The following LOC128462377 variants were observed in gnomAD, a reference collection of about 807,000 sequenced individuals.
chr16:89,382,500 T>A, the LOC128462377 span, among the ~76,000 whole-genome samples: 2 of 151,668 alleles, frequency 1.3e-5, no homozygotes, highest in African/African-American at 2.4e-5. Context: ...TAATTTTTTG[T>A]ATTTTTAATA....
the LOC128462377 span, among the ~76,000 whole-genome samples, chr16:89,366,129 C>CAAA: frequency 7.6e-3 from 461 of 60,288 alleles, 16 homozygotes; most frequent in African/African-American, 0.023. Context: ...GACTCCATCT[C>CAAA]AAAAAAAAAA....
At chr16:89,384,698 A>G in the LOC128462377 span, among the ~76,000 whole-genome samples, 10 of 151,928 alleles carry the variant, frequency 6.6e-5, no homozygotes, top group Admixed American at 5.9e-4. Context: ...ATAGAACTCA[A>G]TTCTTCCCTC....
chr16:89,381,037 G>T, the LOC128462377 span, among the ~76,000 whole-genome samples: 1 of 152,210 alleles, frequency 6.6e-6, no homozygotes, highest in African/African-American at 2.4e-5. Context: ...GGGATGAGAA[G>T]GGCGGCTGGG....
At chr16:89,402,065 G>A in the LOC128462377 span, among the ~76,000 whole-genome samples, 2 of 151,518 alleles carry the variant, frequency 1.3e-5, no homozygotes, top group South Asian at 2.1e-4. Context: ...CGGCAGCCCC[G>A]AAAGACCCCC....
At chr16:89,405,191 C>T in the LOC128462377 span, among the ~76,000 whole-genome samples, 1 of 152,072 alleles carries the variant, frequency 6.6e-6, no homozygotes, top group African/African-American at 2.4e-5. Flanking sequence ...AAGACTCCAT[C>T]TCAAAAAAAT....
At chr16:89,320,057 A>T in the LOC128462377 span, 1 of 152,340 alleles carries the variant, frequency 6.6e-6, no homozygotes, top group Non-Finnish European at 1.5e-5. Flanking sequence ...CAGGGGCTGC[A>T]CGGCACTCAG....
At chr16:89,407,482 G>C in the LOC128462377 span, among the ~76,000 whole-genome samples, 220 of 152,156 alleles carry the variant, frequency 1.4e-3, no homozygotes, top group Non-Finnish European at 2.9e-3. Flanking sequence ...AACCACGTTC[G>C]CCTCGTCAGG....
chr16:89,321,895 G>A, the LOC128462377 span, among the ~76,000 whole-genome samples: 2 of 152,092 alleles, frequency 1.3e-5, no homozygotes, highest in Non-Finnish European at 2.9e-5. Flanking sequence ...CCTCCTCAAC[G>A]TGAAAACCCG....
the LOC128462377 span, among the ~76,000 whole-genome samples, chr16:89,357,791 C>G: frequency 6.6e-6 from 1 of 152,222 alleles, no homozygotes; most frequent in Non-Finnish European, 1.5e-5. Flanking sequence ...GGAGGAACCA[C>G]TGCTCATCGG....
At chr16:89,371,153 G>T in the LOC128462377 span, among the ~76,000 whole-genome samples, 1 of 152,164 alleles carries the variant, frequency 6.6e-6, no homozygotes, top group Non-Finnish European at 1.5e-5. Flanking sequence ...CAGGGTGCAC[G>T]TAAGTGGCTG....
At chr16:89,337,642 G>A in the LOC128462377 span, among the ~76,000 whole-genome samples, 4 of 151,708 alleles carry the variant, frequency 2.6e-5, no homozygotes, top group African/African-American at 4.8e-5. Context: ...GGGTTTCACC[G>A]TGTTAGCCAG....
At chr16:89,392,105 C>T in the LOC128462377 span, among the ~76,000 whole-genome samples, 2 of 152,156 alleles carry the variant, frequency 1.3e-5, no homozygotes, top group African/African-American at 4.8e-5. Context: ...AATGTGAGGT[C>T]CCGTTCCAGC....
At chr16:89,395,513 C>T in the LOC128462377 span, among the ~76,000 whole-genome samples, 3,747 of 152,322 alleles carry the variant, frequency 0.025, 161 homozygotes, top group African/African-American at 0.086. Flanking sequence ...CAGACCCACC[C>T]GAACGGGGAA....
chr16:89,317,142 C>G, the LOC128462377 span: 1 of 1,072,666 alleles, frequency 9.3e-7, no homozygotes, highest in East Asian at 2.6e-5. Flanking sequence ...TCCACTCTCA[C>G]ACCGCACTCA....
the LOC128462377 span, among the ~76,000 whole-genome samples, chr16:89,348,212 A>G: frequency 6.6e-6 from 1 of 152,200 alleles, no homozygotes; most frequent in African/African-American, 2.4e-5. Flanking sequence ...GATTACAGGC[A>G]TGAGCCACCA....
At chr16:89,338,500 C>T in the LOC128462377 span, among the ~76,000 whole-genome samples, 15 of 150,434 alleles carry the variant, frequency 1.0e-4, no homozygotes, top group East Asian at 1.9e-4. Flanking sequence ...GAGGCCGAGG[C>T]GGGCAATCAC....
chr16:89,367,355 C>G, the LOC128462377 span, among the ~76,000 whole-genome samples: 7 of 152,360 alleles, frequency 4.6e-5, no homozygotes, highest in Admixed American at 2.6e-4. Flanking sequence ...CCCAGAGCGG[C>G]AGACCTCCCA....
chr16:89,406,332 C>T, the LOC128462377 span, among the ~76,000 whole-genome samples: 1 of 152,090 alleles, frequency 6.6e-6, no homozygotes, highest in African/African-American at 2.4e-5. Context: ...TGCCAGGTCA[C>T]GGCGGGCACG....
chr16:89,395,541 A>G, the LOC128462377 span, among the ~76,000 whole-genome samples: 1 of 152,248 alleles, frequency 6.6e-6, no homozygotes, highest in Non-Finnish European at 1.5e-5. Flanking sequence ...TTACTTGTCC[A>G]TGAGAATCCC....
Sources: gnomAD v4.1 joint callset for allele counts (sites outside exome capture counted in the v4.1 genomes callset) on GRCh38, gnomAD v4.1.1 for gene constraint, MANE v1.5 for transcripts.